The following PTPRT variants were observed in gnomAD, a reference collection of about 807,000 sequenced individuals.
PTPRT encodes protein tyrosine phosphatase receptor type T.
PTPRT carries 56 observed loss-of-function variants against 176.8 expected under a neutral mutation model. The ratio of observed to expected loss-of-function variants is 0.32; its 90% confidence interval spans 0.26 to 0.40. PTPRT has a LOEUF of 0.40. Ranked by LOEUF, PTPRT falls within the 10% of genes least tolerant of loss-of-function variation. The pLI is 1.00. For synonymous variants in PTPRT, 783 were observed against 739.0 expected (o/e 1.06, Z -0.96); for missense variants, 1,540 against 1,908.2 (o/e 0.81, Z 3.60).
chr20:42,487,680 G>A (rs545060731), intron 7 of PTPRT, among the ~76,000 whole-genome samples: 3 of 152,224 alleles, frequency 2.0e-5, no homozygotes, highest in African/African-American at 7.2e-5. Context: ...CTAGAAGCTG[G>A]AAAAGGCAAG....
chr20:42,914,180 T>G (rs1978576263), intron 1 of PTPRT, among the ~76,000 whole-genome samples: 1 of 152,228 alleles, frequency 6.6e-6, no homozygotes, highest in African/African-American at 2.4e-5. Context: ...GATTTGTGGA[T>G]CAGCCCTAGG....
intron 7 of PTPRT, among the ~76,000 whole-genome samples, chr20:42,643,246 A>G (rs1192260105): frequency 6.6e-6 from 1 of 152,164 alleles, no homozygotes. Flanking sequence ...TTTTGCCAAA[A>G]TTCTACATGG....
At chr20:42,180,328 C>G (rs1044084887) in intron 16 of PTPRT, among the ~76,000 whole-genome samples, 3 of 152,302 alleles carry the variant, frequency 2.0e-5, no homozygotes, top group Non-Finnish European at 4.4e-5. Context: ...TAGAGACACT[C>G]TTTCCTGACA....
chr20:42,957,864 G>T (rs1046293717), intron 1 of PTPRT, among the ~76,000 whole-genome samples: 3 of 152,018 alleles, frequency 2.0e-5, no homozygotes, highest in African/African-American at 7.3e-5. Context: ...AATTGAGATG[G>T]TCCCAGGATT....
rs539198021 is a variant in PTPRT at position 43,014,839 on chromosome 20, C to G, written c.89-128907G>C. On this transcript the variant is annotated intron_variant, in intron 1 of 30. Coordinates refer to ENST00000373187, the MANE Select transcript of PTPRT (RefSeq NM_007050.6). ...TTTTTGAATATGACACTTTGCATGT[C>G]AAATAGTATAGGGGATGTGAAAGTG... Among the ~76,000 whole-genome samples, 4 of 152,216 alleles carry G rather than the reference C, an allele frequency of 2.6e-5. No individual in the cohort carries two copies. In the East Asian group the frequency reaches 7.7e-4, roughly 29 times the overall value.
At chr20:42,667,704 C>T (rs942615296) in intron 7 of PTPRT, among the ~76,000 whole-genome samples, 3 of 152,126 alleles carry the variant, frequency 2.0e-5, no homozygotes, top group Admixed American at 6.5e-5. Context: ...TTGCTGCTTG[C>T]GGAGTTCAAT....
rs1987191467 is a variant in PTPRT, at chr20:43,055,276, G to A, written c.88+134370C>T. Among the ~76,000 whole-genome samples the A allele has an allele frequency of 2.6e-5, 4 of 152,116 alleles. No homozygotes were observed. In the South Asian group the frequency reaches 8.3e-4, roughly 32 times the overall value. On this transcript the variant is annotated intron_variant, in intron 1 of 30. Transcript: ENST00000373187. ...ATGCAGGAATCAACTTCAGAAACAT[G>A]AAAGAAATGATACGTACAACCCAGA...
intron 1 of PTPRT, among the ~76,000 whole-genome samples, chr20:42,962,168 G>T (rs1982021958): frequency 6.6e-6 from 1 of 152,178 alleles, no homozygotes; most frequent in South Asian, 2.1e-4. Flanking sequence ...CAAAAGAAGA[G>T]TAGAGAATGC....
chr20:42,747,521 AGGGAAGGGGT>A (rs1441438871), intron 6 of PTPRT, among the ~76,000 whole-genome samples: 1 of 152,124 alleles, frequency 6.6e-6, no homozygotes, highest in African/African-American at 2.4e-5. Flanking sequence ...AGAGTTACAA[AGGGAAGGGGT>A]GGGAGGTGGG....
chr20:42,284,370 A>G (rs2147063480), intron 12 of PTPRT, among the ~76,000 whole-genome samples: 1 of 152,194 alleles, frequency 6.6e-6, no homozygotes, highest in South Asian at 2.1e-4. Context: ...ACCCAAGTAC[A>G]GAGTCATATT....
the PTPRT span, among the ~76,000 whole-genome samples, chr20:42,059,234 C>A: frequency 1.3e-5 from 2 of 152,126 alleles, no homozygotes; most frequent in African/African-American, 4.8e-5. Context: ...CACAGACTGC[C>A]CCTGCTCTGC....
chr20:42,301,627 CAGATAGATAGACA>C, intron 12 of PTPRT, among the ~76,000 whole-genome samples: 1 of 151,704 alleles, frequency 6.6e-6, no homozygotes, highest in East Asian at 1.9e-4. Flanking sequence ...GATTTATAGA[CAGATAGATAGACA>C]AACAGACAAA....
chr20:43,111,638 G>A (rs185868268), intron 1 of PTPRT, among the ~76,000 whole-genome samples: 4 of 150,916 alleles, frequency 2.7e-5, no homozygotes, highest in Admixed American at 2.6e-4. Context: ...TCTAGGTTCT[G>A]TTTTAAAGAA....
chr20:42,451,482 GA>G (rs2070825784), intron 8 of PTPRT, among the ~76,000 whole-genome samples: 1 of 152,012 alleles, frequency 6.6e-6, no homozygotes, highest in South Asian at 2.1e-4. Context: ...CGTAGGCAGG[GA>G]ATAGATGGCA....
At chr20:42,346,651 C>T (rs935999623) in intron 11 of PTPRT, among the ~76,000 whole-genome samples, 1 of 152,168 alleles carries the variant, frequency 6.6e-6, no homozygotes, top group African/African-American at 2.4e-5. Flanking sequence ...ATCTCGCCCC[C>T]CTGCACACTC....
chr20:42,506,702 G>A (rs2071850858), intron 7 of PTPRT, among the ~76,000 whole-genome samples: 1 of 151,958 alleles, frequency 6.6e-6, no homozygotes, highest in Non-Finnish European at 1.5e-5. Context: ...ATAATGGATG[G>A]TATTATTCCC....
At chr20:42,295,723 G>A (rs2057377056) in intron 12 of PTPRT, among the ~76,000 whole-genome samples, 1 of 152,196 alleles carries the variant, frequency 6.6e-6, no homozygotes, top group Non-Finnish European at 1.5e-5. Flanking sequence ...GCTATGGTCT[G>A]GCTTTGTGTC....
rs2071210396 is a variant in PTPRT at position 42,472,270 on chromosome 20, T to G, written c.1446A>C (p.Glu482Asp). 1.2e-6 allele frequency: 2 copies of G among 1,613,616 alleles called. No individual in the cohort carries two copies. The highest frequency in any genetic ancestry group is 2.7e-5 in the African/African-American group (2 of 74,944). ...ESEELVVQTE[E>D]DVPGAVPLES... ...AAGCTCTCCTCCCTTGCTCACCGTC[T>G]TCCTCAGTCTGCACCACCAGCTCCT... The change falls in exon 8 of 31, where the codon GAA (glutamate) becomes GAC (aspartate). Residue 482 changes from glutamate (E) to aspartate (D), a missense_variant. Glu to Asp is a conservative substitution (Grantham distance 45, BLOSUM62 2). Transcript: ENST00000373187.
At chr20:42,498,092 T>C (rs147441289) in intron 7 of PTPRT, among the ~76,000 whole-genome samples, 7 of 152,312 alleles carry the variant, frequency 4.6e-5, no homozygotes, top group African/African-American at 1.4e-4. Context: ...TTTACACTAT[T>C]GCACCAAACA....
Sources: gnomAD v4.1 joint callset for allele counts (sites outside exome capture counted in the v4.1 genomes callset) on GRCh38, gnomAD v4.1.1 for gene constraint, MANE v1.5 for transcripts, NCBI Gene and HGNC (gene_info 2026-07-23, HGNC 2026-07-21) for gene names.